The following HS6ST3 variants were observed in gnomAD, a reference collection of about 807,000 sequenced individuals.
HS6ST3 encodes heparan sulfate 6-O-sulfotransferase 3.
A neutral mutation model predicts 36.7 loss-of-function variants in HS6ST3; 12 were observed. That is an observed-to-expected ratio of 0.33 (90% CI 0.21 to 0.53). HS6ST3 has a LOEUF of 0.53. Ranked by LOEUF, HS6ST3 falls within the 20% of genes least tolerant of loss-of-function variation. The pLI is 0.95. For missense variants in HS6ST3, 584 were observed against 640.9 expected (o/e 0.91, Z 0.96); for synonymous variants, 240 against 257.5 (o/e 0.93, Z 0.65).
intron 1 of HS6ST3, among the ~76,000 whole-genome samples, chr13:96,474,388 A>G (rs758025523): frequency 6.6e-6 from 1 of 152,184 alleles, no homozygotes; most frequent in Non-Finnish European, 1.5e-5. Flanking sequence ...TCAAACGGAT[A>G]GGAAATGTTT....
At chr13:96,435,028 T>C (rs1056881111) in intron 1 of HS6ST3, among the ~76,000 whole-genome samples, 2 of 152,120 alleles carry the variant, frequency 1.3e-5, no homozygotes, top group African/African-American at 4.8e-5. Flanking sequence ...TTTGCAATCC[T>C]ACTACCTATC....
intron 1 of HS6ST3, among the ~76,000 whole-genome samples, chr13:96,308,400 A>G (rs2054924286): frequency 6.6e-6 from 1 of 152,108 alleles, no homozygotes; most frequent in Non-Finnish European, 1.5e-5. Context: ...ATGTCAGAAA[A>G]CAAAATATAG....
chr13:96,442,563 C>G (rs1594781355), intron 1 of HS6ST3, among the ~76,000 whole-genome samples: 1 of 152,022 alleles, frequency 6.6e-6, no homozygotes, highest in South Asian at 2.1e-4. Context: ...TAGGAAATTA[C>G]TTGAACATGG....
At chr13:96,467,470 T>C (rs180992372) in intron 1 of HS6ST3, among the ~76,000 whole-genome samples, 30 of 152,318 alleles carry the variant, frequency 2.0e-4, no homozygotes, top group African/African-American at 4.8e-4. Context: ...TTTGAATCTT[T>C]ACCTTAGTAG....
intron 1 of HS6ST3, among the ~76,000 whole-genome samples, chr13:96,212,911 A>G (rs2054405815): frequency 6.6e-6 from 1 of 152,190 alleles, no homozygotes; most frequent in African/African-American, 2.4e-5. Flanking sequence ...TTGAAAATAT[A>G]TTTTCTCTCT....
chr13:96,349,522 A>G (rs2055171920), intron 1 of HS6ST3, among the ~76,000 whole-genome samples: 1 of 152,228 alleles, frequency 6.6e-6, no homozygotes, highest in Non-Finnish European at 1.5e-5. Context: ...ATCCAGGGAT[A>G]TAATACTTCA....
chr13:96,788,394 G>C (rs1314392623), intron 1 of HS6ST3, among the ~76,000 whole-genome samples: 3 of 151,800 alleles, frequency 2.0e-5, no homozygotes, highest in Non-Finnish European at 2.9e-5. Flanking sequence ...TATCTTAACT[G>C]TATCTTACCT....
intron 1 of HS6ST3, among the ~76,000 whole-genome samples, chr13:96,518,275 A>G (rs994595029): frequency 6.6e-6 from 1 of 152,236 alleles, no homozygotes; most frequent in Admixed American, 6.5e-5. Flanking sequence ...AATACAAATG[A>G]AATATTAATT....
chr13:96,757,433 AT>A (rs1333666671), intron 1 of HS6ST3, among the ~76,000 whole-genome samples: 1 of 152,198 alleles, frequency 6.6e-6, no homozygotes, highest in Non-Finnish European at 1.5e-5. Flanking sequence ...GAAAATACAG[AT>A]GATTTTACTT....
intron 1 of HS6ST3, among the ~76,000 whole-genome samples, chr13:96,353,733 G>A (rs190457238): frequency 1.4e-4 from 22 of 152,072 alleles, no homozygotes; most frequent in East Asian, 5.8e-4. Flanking sequence ...ATTTCCTTAC[G>A]TATAAAGAGT....
chr13:96,219,459 T>C (rs2054443938), intron 1 of HS6ST3, among the ~76,000 whole-genome samples: 1 of 152,210 alleles, frequency 6.6e-6, no homozygotes, highest in African/African-American at 2.4e-5. Context: ...CCTTCCAATA[T>C]AGTTTTATCA....
At chr13:96,260,702 C>T (rs955797097) in intron 1 of HS6ST3, among the ~76,000 whole-genome samples, 3 of 151,242 alleles carry the variant, frequency 2.0e-5, no homozygotes, top group African/African-American at 4.9e-5. Flanking sequence ...TGCAGTGGCA[C>T]AGTCTTGGCT....
intron 1 of HS6ST3, among the ~76,000 whole-genome samples, chr13:96,821,618 C>T (rs1211686591): frequency 6.6e-6 from 1 of 152,190 alleles, no homozygotes; most frequent in African/African-American, 2.4e-5. Context: ...CAGTTTTTCA[C>T]TGCACATGGA....
rs142674708 is a variant in HS6ST3 at position 96,569,934 on chromosome 13, T to C, written c.708-262556T>C. Among the ~76,000 whole-genome samples the C allele has an allele frequency of 2.6e-3, 398 of 152,324 alleles. 1 individual carries two copies. Among genetic ancestry groups the C allele is most frequent in the African/African-American group, 9.1e-3 (378 of 41,578 alleles). On this transcript the variant is annotated intron_variant, in intron 1 of 1. Coordinates refer to ENST00000376705, the MANE Select transcript of HS6ST3 (RefSeq NM_153456.4). ...AGAGGAGACTGAGACCTCAACAACA[T>C]AGCTACCATTTCTGTGTGTTCATCA... is the stretch of plus-strand genomic sequence containing the variant.
In HS6ST3 at chr13:96,287,159, T is replaced by G. The variant is rs1036092997; in HGVS notation, c.707+195590T>G. On this transcript the variant is annotated intron_variant, in intron 1 of 1. Transcript: ENST00000376705. ...GTCCCTAATTCTCAATGTTTTTTCATAAAAGTAAATCGGATGAGCCTCTAT... is the reference window on the plus strand; with the variant it reads ...GTCCCTAATTCTCAATGTTTTTTCAGAAAAGTAAATCGGATGAGCCTCTAT... Among the ~76,000 whole-genome samples, 3 of 152,172 alleles carry G rather than the reference T, an allele frequency of 2.0e-5. No individual in the cohort carries two copies. In the East Asian group the frequency reaches 5.8e-4, roughly 29 times the overall value.
chr13:96,739,803 C>T (rs1199090311), intron 1 of HS6ST3, among the ~76,000 whole-genome samples: 1 of 152,098 alleles, frequency 6.6e-6, no homozygotes, highest in Non-Finnish European at 1.5e-5. Flanking sequence ...TTGCTCAAAA[C>T]CCTTCAATTA....
chr13:96,309,989 A>G (rs2054932338), intron 1 of HS6ST3, among the ~76,000 whole-genome samples: 1 of 152,190 alleles, frequency 6.6e-6, no homozygotes, highest in Non-Finnish European at 1.5e-5. Flanking sequence ...TTATAAATGC[A>G]TAGAATAAAG....
intron 1 of HS6ST3, among the ~76,000 whole-genome samples, chr13:96,382,564 A>G (rs1373988696): frequency 6.6e-6 from 1 of 152,248 alleles, no homozygotes; most frequent in Non-Finnish European, 1.5e-5. Context: ...ATCAAGAATT[A>G]TGTGTCAACA....
intron 1 of HS6ST3, among the ~76,000 whole-genome samples, chr13:96,324,305 G>T (rs2055019530): frequency 2.0e-5 from 3 of 152,186 alleles, no homozygotes; most frequent in Non-Finnish European, 4.4e-5. Context: ...CTAAGGAAGA[G>T]ATTACAAATG....
Sources: gnomAD v4.1 joint callset for allele counts (sites outside exome capture counted in the v4.1 genomes callset) on GRCh38, gnomAD v4.1.1 for gene constraint, MANE v1.5 for transcripts, NCBI Gene and HGNC (gene_info 2026-07-23, HGNC 2026-07-21) for gene names.